The following ZNF730 variants were observed in gnomAD, a reference collection of about 807,000 sequenced individuals.
The protein encoded by ZNF730 is putative zinc finger protein 730.
ZNF730 carries 12 observed loss-of-function variants against 12.6 expected under a neutral mutation model. That is an observed-to-expected ratio of 0.95 (90% confidence interval 0.61 to 1.54). The LOEUF is 1.54. Among genes scored for constraint, ZNF730 ranks in the 40% most tolerant of loss-of-function variants. The pLI, the probability that ZNF730 is intolerant of heterozygous loss-of-function variation, is 0.00. For missense variants in ZNF730, 643 were observed against 583.5 expected, an observed-to-expected ratio of 1.10 and a Z score of -1.05; for synonymous variants, 194 against 195.8, an observed-to-expected ratio of 0.99 and a Z score of 0.08.
chr19:23,116,906 T>C, upstream of ZNF730: 1 of 637,388 alleles, frequency 1.6e-6, no homozygotes, highest in Non-Finnish European at 2.6e-6. Flanking sequence ...ATCACATCTG[T>C]CACTCAGGGC....
intron 1 of ZNF730, among the ~76,000 whole-genome samples, chr19:23,091,968 C>T (rs550276544): frequency 8.5e-5 from 13 of 152,178 alleles, no homozygotes; most frequent in African/African-American, 2.6e-4. Context: ...TTGGATGTGT[C>T]CCCATTCAAA....
chr19:23,078,340 G>A (rs946237560), intron 1 of ZNF730, among the ~76,000 whole-genome samples: 5 of 151,978 alleles, frequency 3.3e-5, no homozygotes, highest in South Asian at 2.1e-4. Flanking sequence ...TGTAAAACCC[G>A]ATTGTATGTT....
rs539722897 is a variant in ZNF730, at chr19:23,119,992, C to CT, written c.3+2834dup. Among the ~76,000 whole-genome samples, 420 of 132,570 alleles carry CT rather than the reference C, an allele frequency of 3.2e-3. 1 individual carries two copies. The highest frequency in any genetic ancestry group is 8.1e-3 in the Middle Eastern group (2 of 248). The allele number at this position is 132,570 out of a possible 152,430, so 87.0% of individuals were successfully genotyped here. ...GTCTGGTCCTGGACTCACTTTCTTT[C>CT]TTTTTTTTTTTTTTTTTTCTCAGGC... On this transcript the variant is annotated intron_variant, in intron 1 of 3. Transcript: ENST00000597761.
rs1970538486 is a variant in ZNF730, at chr19:23,117,082, C to G, written c.-92C>G. On this transcript the variant is annotated 5_prime_UTR_variant, in exon 1 of 4. Coordinates refer to ENST00000597761, the MANE Select transcript of ZNF730 (RefSeq NM_001277403.2). ...TTTTCGTCTGTCTGCTTTGTGTCCT[C>G]TGCACGTAGAAGCCCAGCCTGTGTG... 1.9e-6 allele frequency: 3 copies of G among 1,600,234 alleles called. No individual in the cohort carries two copies. The highest frequency in any genetic ancestry group is 1.3e-5 in the African/African-American group (1 of 74,564).
chr19:23,095,078 A>C, intron 1 of ZNF730: 1 of 307,130 alleles, frequency 3.3e-6, no homozygotes, highest in Non-Finnish European at 5.9e-6. Context: ...TTTACCCAGC[A>C]CCAGAGGGAT....
At chr19:23,137,160 ACT>A (rs1236549106) in intron 3 of ZNF730, among the ~76,000 whole-genome samples, 1 of 152,084 alleles carries the variant, frequency 6.6e-6, no homozygotes, top group East Asian at 1.9e-4. Context: ...AGAGAGTGAG[ACT>A]CTGTCAAAAA....
chr19:23,090,866 A>G (rs950708639), intron 1 of ZNF730, among the ~76,000 whole-genome samples: 3 of 152,048 alleles, frequency 2.0e-5, no homozygotes, highest in African/African-American at 7.2e-5. Context: ...GCATGGTGGC[A>G]GGTGCCTGTA....
chr19:23,127,110 A>G lies in ZNF730; in HGVS notation c.4-6970A>G, dbSNP rs868573461. 7.8e-6 allele frequency: 4 copies of G among 509,636 alleles called. No homozygotes were observed. In the Middle Eastern group the frequency reaches 1.2e-3, roughly 154 times the overall value. The allele number at this position is 509,636 out of a possible 1,614,324, so 31.6% of individuals were successfully genotyped here. A position where few individuals can be genotyped will look rare whatever the true frequency, so the allele number is the denominator to read the frequency against. Reference sequence around the variant, plus strand: ...GTGGGATCTTGTCCTTCTATGAGTTAGCAGATGCATCCTTATCTCGGTTAT... The same window carrying G: ...GTGGGATCTTGTCCTTCTATGAGTTGGCAGATGCATCCTTATCTCGGTTAT... On this transcript the variant is annotated intron_variant, in intron 1 of 3. Transcript: ENST00000597761.
At chr19:23,101,472 A>G (rs755109465) in intron 1 of ZNF730, among the ~76,000 whole-genome samples, 1 of 152,206 alleles carries the variant, frequency 6.6e-6, no homozygotes, top group South Asian at 2.1e-4. Flanking sequence ...ACTCATACCT[A>G]GCACCTGGAC....
intron 1 of ZNF730, among the ~76,000 whole-genome samples, chr19:23,094,444 T>TGGTA (rs398071175): frequency 4.0e-5 from 6 of 151,042 alleles, no homozygotes; most frequent in Admixed American, 2.0e-4. Context: ...GGTAGGTAGG[T>TGGTA]GGTAGGTAGG....
At chr19:23,129,339 G>A (rs376411557) in intron 1 of ZNF730, among the ~76,000 whole-genome samples, 1 of 152,162 alleles carries the variant, frequency 6.6e-6, no homozygotes, top group Non-Finnish European at 1.5e-5. Flanking sequence ...CATGAAGGTG[G>A]CCAGGAGGGA....
chr19:23,127,209 A>G (rs1970682126), intron 1 of ZNF730: 24 of 599,828 alleles, frequency 4.0e-5, no homozygotes, highest in South Asian at 3.3e-4. Flanking sequence ...TAATTACTCC[A>G]TCTGCTGATT....
chr19:23,122,647 G>A (rs11085565), intron 1 of ZNF730, among the ~76,000 whole-genome samples: 86,902 of 152,058 alleles, frequency 0.57, 26,706 homozygotes, highest in South Asian at 0.73. Context: ...ACTAAATAGT[G>A]GAATCTGTAG....
At chr19:23,085,836 CTTTTTTTTTTTTTTT>C (rs556123915) in intron 1 of ZNF730, among the ~76,000 whole-genome samples, 3 of 54,806 alleles carry the variant, frequency 5.5e-5, no homozygotes, top group African/African-American at 8.3e-5. Context: ...ATTTTTTTTT[CTTTTTTTTTTTTTTT>C]TTTTTTTTTT....
chr19:23,085,316 T>G (rs1970039308), intron 1 of ZNF730, among the ~76,000 whole-genome samples: 1 of 151,628 alleles, frequency 6.6e-6, no homozygotes, highest in African/African-American at 2.4e-5. Context: ...TTGTTTGTTT[T>G]TTTTCTTTTT....
In ZNF730 at chr19:23,075,716, G is replaced by C. The variant is rs187336355; in HGVS notation, c.-94+329G>C. 2.0e-5 allele frequency among the ~76,000 whole-genome samples: 3 copies of C among 152,094 alleles called. 1 individual carries two copies. Among genetic ancestry groups the C allele is most frequent in the African/African-American group, 7.2e-5 (3 of 41,412 alleles). Reference sequence around the variant, plus strand: ...GTGTGCGTGGGAGGAGCTGCGACCCGTGGGGTTCCCAAGCTTTCCTGTTAT... The same window carrying C: ...GTGTGCGTGGGAGGAGCTGCGACCCCTGGGGTTCCCAAGCTTTCCTGTTAT... On this transcript the variant is annotated intron_variant, in intron 1 of 2. Coordinates refer to the ZNF730 transcript ENST00000593635.
intron 1 of ZNF730, chr19:23,127,227 G>T: frequency 1.6e-6 from 1 of 623,838 alleles, no homozygotes; most frequent in Non-Finnish European, 3.0e-6. Context: ...ATTTAACCAT[G>T]TTTTTAAAGA....
At chr19:23,107,282 C>G (rs1216665551) in intron 1 of ZNF730, among the ~76,000 whole-genome samples, 1 of 151,114 alleles carries the variant, frequency 6.6e-6, no homozygotes, top group Non-Finnish European at 1.5e-5. Context: ...AGGCTGGTCT[C>G]AAACCCCCTT....
intron 1 of ZNF730, among the ~76,000 whole-genome samples, chr19:23,083,990 T>G (rs1970013662): frequency 6.6e-6 from 1 of 152,200 alleles, no homozygotes; most frequent in Admixed American, 6.6e-5. Flanking sequence ...AAAAAATTAT[T>G]TCCCAGTCTA....
Sources: gnomAD v4.1 joint callset for allele counts (sites outside exome capture counted in the v4.1 genomes callset) on GRCh38, gnomAD v4.1.1 for gene constraint, MANE v1.5 for transcripts, NCBI Gene and HGNC (gene_info 2026-07-23, HGNC 2026-07-21) for gene names.